The following MYBL2 variants were observed in gnomAD, a reference collection of about 807,000 sequenced individuals.
MYBL2 encodes the protein myb-related protein B.
In MYBL2, 28 loss-of-function variants were observed where a neutral mutation model predicts 79.9. That is an observed-to-expected ratio of 0.35 (90% CI 0.26 to 0.48). The LOEUF is 0.48. Ranked by LOEUF, MYBL2 falls within the 20% of genes least tolerant of loss-of-function variation. The probability of loss-of-function intolerance (pLI) is 0.99; values close to 1 mark genes in which losing one functional copy is unlikely to be tolerated. For synonymous variants in MYBL2, 378 were observed against 361.2 expected (o/e 1.05, Z -0.53); for missense variants, 735 against 893.9 (o/e 0.82, Z 2.27).
At chr20:43,686,067 A>G (rs745549008) in intron 4 of MYBL2, among the ~76,000 whole-genome samples, 9 of 152,230 alleles carry the variant, frequency 5.9e-5, no homozygotes, top group African/African-American at 7.2e-5. Flanking sequence ...TAAAAAGTGA[A>G]AACATAAAAT....
intron 6 of MYBL2, among the ~76,000 whole-genome samples, chr20:43,698,629 C>T (rs1227778835): frequency 2.7e-5 from 4 of 147,964 alleles, no homozygotes; most frequent in African/African-American, 5.0e-5. Context: ...CCGCCCGTCT[C>T]GGCCTCCCAA....
chr20:43,711,597 C>T lies in MYBL2; in HGVS notation c.1715C>T (p.Pro572Leu), dbSNP rs1568880979. 1 of 1,611,770 alleles carries T rather than the reference C, an allele frequency of 6.2e-7. No homozygotes were observed. The highest frequency in any genetic ancestry group is 8.5e-7 in the Non-Finnish European group (1 of 1,178,910). Residue 572 changes from proline to leucine, a missense_variant, in exon 11 of 14, where the codon CCT becomes CTT. Around this residue, in one of 5 missense-constraint regions of MYBL2, gnomAD observed 204 missense variants for 202.9 expected, o/e 1.01. Coordinates refer to ENST00000217026, the MANE Select transcript of MYBL2 (RefSeq NM_002466.4). ...AGGCCCGAGAAGCAGAAGAGGAAGC[C>T]TGGGGTGAGTAGGGTAGGGGTGGGA... The part of the protein sequence containing the change: ...DIRPEKQKRK[P>L]GLRRSPIKKV...
chr20:43,684,052 T>C lies in MYBL2; in HGVS notation c.279+1166T>C, dbSNP rs138671669. Reference sequence around the variant, plus strand: ...CAAGCAATCCTCCCACCTCAGCTTCTAAAGTAGCTGGTGCCACATGTGCCA... The same window carrying C: ...CAAGCAATCCTCCCACCTCAGCTTCCAAAGTAGCTGGTGCCACATGTGCCA... On this transcript the variant is annotated intron_variant, in intron 4 of 13. Coordinates refer to ENST00000217026, the MANE Select transcript of MYBL2 (RefSeq NM_002466.4). 7.7e-3 allele frequency among the ~76,000 whole-genome samples: 1,172 copies of C among 151,998 alleles called. 20 individuals are homozygous for C. Among genetic ancestry groups the C allele is most frequent in the African/African-American group, 0.026 (1,092 of 41,466 alleles).
chr20:43,707,107 G>A (rs1987807081), intron 9 of MYBL2, among the ~76,000 whole-genome samples: 1 of 151,556 alleles, frequency 6.6e-6, no homozygotes, highest in African/African-American at 2.4e-5. Context: ...TTGAGCCCAG[G>A]AGTTTGAAGC....
chr20:43,700,832 C>T (rs758097625), intron 7 of MYBL2, among the ~76,000 whole-genome samples: 2 of 152,158 alleles, frequency 1.3e-5, no homozygotes, highest in Non-Finnish European at 2.9e-5. Context: ...CAAGGTTGCA[C>T]AGCAAGTATA....
chr20:43,710,671 G>T lies in MYBL2; in HGVS notation c.1605+609G>T, dbSNP rs189929431. Among the ~76,000 whole-genome samples, 245 of 152,310 alleles carry T rather than the reference G, an allele frequency of 1.6e-3. 2 individuals carry two copies. The highest frequency in any genetic ancestry group is 5.5e-3 in the African/African-American group (228 of 41,560). ...TGGACTGTGAACAAGGTCTGCAGCGGGTCCCCCTGCTGTCTCTCTCCACTG... is the reference window on the plus strand; with the variant it reads ...TGGACTGTGAACAAGGTCTGCAGCGTGTCCCCCTGCTGTCTCTCTCCACTG... On this transcript the variant is annotated intron_variant, in intron 10 of 13. Coordinates refer to ENST00000217026, the MANE Select transcript of MYBL2 (RefSeq NM_002466.4).
chr20:43,713,151 C>G, intron 12 of MYBL2, 45 bp downstream of exon 12: 1 of 1,529,204 alleles, frequency 6.5e-7, no homozygotes, highest in Non-Finnish European at 9.0e-7. Context: ...GGAGAGGACC[C>G]TCAAGGTGGA....
chr20:43,699,677 A>G, intron 6 of MYBL2, 80 bp from the exon 7 acceptor site: 1 of 1,442,192 alleles, frequency 6.9e-7, no homozygotes, highest in Non-Finnish European at 9.4e-7. Context: ...TCTTAGATTC[A>G]GGTTGTGTGG....
chr20:43,674,004 G>A lies in MYBL2; in HGVS notation c.114+105G>A, dbSNP rs959853112. The A allele has an allele frequency of 5.0e-6, 5 of 996,564 alleles. No homozygotes were observed. In the Admixed American group the frequency reaches 1.0e-4, roughly 20 times the overall value. The allele number at this position is 996,564 out of a possible 1,614,324, so 61.7% of individuals were successfully genotyped here. A position where few individuals can be genotyped will look rare whatever the true frequency, so the allele number is the denominator to read the frequency against. On this transcript the variant is annotated intron_variant, in intron 2 of 13. Transcript: ENST00000217026. ...TCATCAGATGGGATGAAGAGGAGGA[G>A]CCGGTGAAGGAAGGGATGGGTCCTC... is the stretch of plus-strand genomic sequence containing the variant.
At chr20:43,698,027 C>T (rs1987585543) in intron 6 of MYBL2, among the ~76,000 whole-genome samples, 1 of 146,036 alleles carries the variant, frequency 6.8e-6, no homozygotes, top group African/African-American at 2.5e-5. Context: ...CAAATTACCC[C>T]TTAATTTGTT....
intron 8 of MYBL2, among the ~76,000 whole-genome samples, chr20:43,703,780 C>T (rs1987722428): frequency 6.6e-6 from 1 of 152,038 alleles, no homozygotes; most frequent in African/African-American, 2.4e-5. Context: ...GAGAGAGACC[C>T]TGTGTCGGTT....
Position 43,702,661 on chromosome 20 carries a change from G to A in MYBL2, c.1123G>A (p.Gly375Ser). 1 of 1,614,038 alleles carries A rather than the reference G, an allele frequency of 6.2e-7. No individual in the cohort carries two copies. The highest frequency in any genetic ancestry group is 8.5e-7 in the Non-Finnish European group (1 of 1,180,034). Residue 375 changes from glycine (G) to serine (S), a missense_variant, in exon 8 of 14, where the codon GGC becomes AGC. Transcript: ENST00000217026. ...CAGTGTGACCGAGTACCGCCTGGAT[G>A]GCCACACCATCTCAGACCTGAGCCG... The part of the protein sequence containing the change: ...VPSVTEYRLD[G>S]HTISDLSRSS...
intron 6 of MYBL2, among the ~76,000 whole-genome samples, chr20:43,698,452 A>G (rs1459622453): frequency 1.6e-5 from 2 of 127,814 alleles, no homozygotes; most frequent in African/African-American, 3.1e-5. Flanking sequence ...GTCTCGGCTC[A>G]CTGCAAGCTC....
chr20:43,685,475 C>A (rs1175307044), intron 4 of MYBL2, among the ~76,000 whole-genome samples: 1 of 152,052 alleles, frequency 6.6e-6, no homozygotes, highest in African/African-American at 2.4e-5. Flanking sequence ...GCCACCGGGC[C>A]TGGCCTGAGA....
intron 13 of MYBL2, among the ~76,000 whole-genome samples, 199 bp from the exon 14 acceptor site, chr20:43,715,760 C>T (rs746379434): frequency 4.6e-5 from 7 of 152,144 alleles, no homozygotes; most frequent in South Asian, 2.1e-4. Flanking sequence ...CCTTGTCCAG[C>T]GTCCTACTTA....
intron 6 of MYBL2, among the ~76,000 whole-genome samples, chr20:43,695,925 G>A (rs1350702347): frequency 6.6e-6 from 1 of 152,148 alleles, no homozygotes; most frequent in African/African-American, 2.4e-5. Context: ...CACGATAATT[G>A]AGAATCCACT....
At chr20:43,691,027 T>C (rs1292143349) in intron 5 of MYBL2, among the ~76,000 whole-genome samples, 1 of 152,258 alleles carries the variant, frequency 6.6e-6, no homozygotes, top group Non-Finnish European at 1.5e-5. Context: ...TAGATGTGTC[T>C]CCTCCCTGAA....
chr20:43,681,054 C>T (rs1355393202), intron 2 of MYBL2, among the ~76,000 whole-genome samples: 1 of 152,204 alleles, frequency 6.6e-6, no homozygotes, highest in African/African-American at 2.4e-5. Flanking sequence ...ATGTACCCTC[C>T]TGTGTCTGGC....
chr20:43,676,956 C>A (rs1222835820), intron 2 of MYBL2, among the ~76,000 whole-genome samples: 1 of 151,702 alleles, frequency 6.6e-6, no homozygotes, highest in Non-Finnish European at 1.5e-5. Flanking sequence ...TGCTATGTTG[C>A]CCAGGCTGGT....
Sources: gnomAD v4.1 joint callset for allele counts (sites outside exome capture counted in the v4.1 genomes callset) on GRCh38, gnomAD v4.1.1 for gene constraint, gnomAD v4.1.1 regional missense constraint, MANE v1.5 for transcripts, NCBI Gene and HGNC (gene_info 2026-07-23, HGNC 2026-07-21) for gene names.